CSMD1: variants seen among roughly 807,000 people sequenced by gnomAD.
The protein encoded by CSMD1 is CUB and Sushi multiple domains 1.
In CSMD1, 213 loss-of-function variants were observed where a neutral mutation model predicts 417.5. The ratio of observed to expected loss-of-function variants is 0.51; its 90% CI spans 0.46 to 0.57. The LOEUF is 0.57. Ranked by LOEUF, CSMD1 falls within the 20% of genes least tolerant of loss-of-function variation. CSMD1 has a pLI of 0.00. For missense variants in CSMD1, 6,923 were observed against 4,529.7 expected, an observed-to-expected ratio of 1.53 and a Z score of -15.17; for synonymous variants, 2,862 against 1,736.8, an observed-to-expected ratio of 1.65 and a Z score of -16.11.
intron 1 of CSMD1, among the ~76,000 whole-genome samples, chr8:4,965,674 C>A (rs1809812278): frequency 2.0e-5 from 3 of 152,106 alleles, no homozygotes. Context: ...TCTTAGTCTC[C>A]CATAAGGTTG....
At chr8:3,957,193 A>G (rs564360883) in intron 5 of CSMD1, among the ~76,000 whole-genome samples, 12 of 152,324 alleles carry the variant, frequency 7.9e-5, no homozygotes, top group African/African-American at 2.9e-4. Context: ...CTGCAGAACT[A>G]AAACATTTCT....
intron 25 of CSMD1, among the ~76,000 whole-genome samples, chr8:3,294,828 G>C (rs971207484): frequency 2.6e-5 from 4 of 152,074 alleles, no homozygotes; most frequent in Non-Finnish European, 4.4e-5. Flanking sequence ...TGCACCCATT[G>C]TCCTGCACCC....
intron 3 of CSMD1, among the ~76,000 whole-genome samples, chr8:4,108,194 G>A (rs1223457769): frequency 6.6e-6 from 1 of 152,028 alleles, no homozygotes; most frequent in Non-Finnish European, 1.5e-5. Flanking sequence ...GACTCTATGG[G>A]AAACAAATCA....
intron 1 of CSMD1, among the ~76,000 whole-genome samples, chr8:4,744,885 T>G (rs1810855565): frequency 6.6e-6 from 1 of 152,178 alleles, no homozygotes; most frequent in Non-Finnish European, 1.5e-5. Context: ...CTGAATTTTT[T>G]CACCATAATT....
Position 4,873,679 on chromosome 8 carries a change from G to A in CSMD1, c.85+120653C>T, listed in dbSNP as rs1802867670. Among the ~76,000 whole-genome samples the A allele has an allele frequency of 2.0e-5, 3 of 152,156 alleles. 1 individual carries two copies. The highest frequency in any genetic ancestry group is 2.0e-4 in the Admixed American group (3 of 15,284). ...TCTATCCATTCAGTAAACACTTATT[G>A]ATGATACAGTAGAGAACTAATCAAA... On this transcript the variant is annotated intron_variant, in intron 1 of 69. Coordinates refer to ENST00000635120, the MANE Select transcript of CSMD1 (RefSeq NM_033225.6).
Position 4,964,262 on chromosome 8 carries a change from C to T in CSMD1, c.85+30070G>A, listed in dbSNP as rs139579330. 1.6e-4 allele frequency among the ~76,000 whole-genome samples: 24 copies of T among 151,784 alleles called. No individual in the cohort carries two copies. In the East Asian group the frequency reaches 3.7e-3, roughly 23 times the overall value. Reference sequence around the variant, plus strand: ...GGTATGGTGGCTAACACCTGTAATCCCAGCAGTTTGGGAGGCAAAGGGGGG... The same window carrying T: ...GGTATGGTGGCTAACACCTGTAATCTCAGCAGTTTGGGAGGCAAAGGGGGG... On this transcript the variant is annotated intron_variant, in intron 1 of 69. Coordinates refer to ENST00000635120, the MANE Select transcript of CSMD1 (RefSeq NM_033225.6).
chr8:4,181,244 A>G (rs1798354372), intron 3 of CSMD1, among the ~76,000 whole-genome samples: 1 of 152,210 alleles, frequency 6.6e-6, no homozygotes, highest in Non-Finnish European at 1.5e-5. Flanking sequence ...ATCTATAGCC[A>G]TACCACCCTG....
intron 23 of CSMD1, among the ~76,000 whole-genome samples, chr8:3,335,655 G>A (rs886704229): frequency 2.0e-5 from 3 of 152,186 alleles, no homozygotes; most frequent in Non-Finnish European, 4.4e-5. Context: ...CAGCCTGGGT[G>A]ACAGAGTGAG....
chr8:3,925,793 G>C (rs759167241), intron 5 of CSMD1, among the ~76,000 whole-genome samples: 8 of 151,948 alleles, frequency 5.3e-5, no homozygotes, highest in Non-Finnish European at 1.0e-4. Flanking sequence ...TCCCAGTTTT[G>C]GGTATGTCTT....
chr8:4,129,233 C>T (rs1180824022), intron 3 of CSMD1, among the ~76,000 whole-genome samples: 1 of 152,244 alleles, frequency 6.6e-6, no homozygotes, highest in African/African-American at 2.4e-5. Flanking sequence ...CTATCAATTT[C>T]CTCTTCTGAG....
chr8:4,554,773 G>A (rs953784659), intron 2 of CSMD1, among the ~76,000 whole-genome samples: 1 of 152,202 alleles, frequency 6.6e-6, no homozygotes. Context: ...ATTGGCCAGG[G>A]AAACCCATGA....
At chr8:4,578,332 A>ATTTTTCT (rs1799238990) in intron 2 of CSMD1, among the ~76,000 whole-genome samples, 5 of 48,768 alleles carry the variant, frequency 1.0e-4, no homozygotes, top group African/African-American at 3.8e-4. Flanking sequence ...CACCCGGCTC[A>ATTTTTCT]TTTTTTTTTT....
At chr8:4,301,576 T>C (rs1797983463) in intron 3 of CSMD1, among the ~76,000 whole-genome samples, 1 of 152,230 alleles carries the variant, frequency 6.6e-6, no homozygotes, top group Non-Finnish European at 1.5e-5. Flanking sequence ...GTCTGCTCAA[T>C]TATTATTTTT....
intron 5 of CSMD1, among the ~76,000 whole-genome samples, chr8:3,964,175 G>A (rs1227600648): frequency 2.0e-5 from 3 of 152,150 alleles, no homozygotes; most frequent in South Asian, 4.1e-4. Flanking sequence ...ATCTTAACAA[G>A]TAAACATTAA....
At chr8:4,071,070 A>G (rs900355528) in intron 3 of CSMD1, among the ~76,000 whole-genome samples, 2 of 151,916 alleles carry the variant, frequency 1.3e-5, no homozygotes, top group African/African-American at 4.8e-5. Flanking sequence ...GTACATGGTT[A>G]TGGTTTCTTT....
In CSMD1 at chr8:3,519,576, G is replaced by A. The variant is rs573077750; in HGVS notation, c.1345-25850C>T. ...CGCCATGAGGACCAATGAGTACCTT[G>A]GTAGAGACTACCTTCAAATCAGAAA... On this transcript the variant is annotated intron_variant, in intron 10 of 69. Coordinates refer to ENST00000635120, the MANE Select transcript of CSMD1 (RefSeq NM_033225.6). Among the ~76,000 whole-genome samples the A allele has an allele frequency of 7.2e-5, 11 of 152,240 alleles. No individual in the cohort carries two copies. The South Asian group carries it at 1.9e-3, about 26-fold the overall frequency.
chr8:3,927,802 GT>G (rs1274009811), intron 5 of CSMD1, among the ~76,000 whole-genome samples: 8 of 152,076 alleles, frequency 5.3e-5, no homozygotes, highest in African/African-American at 1.7e-4. Flanking sequence ...AAATATTTTA[GT>G]TTTAAATTTA....
intron 2 of CSMD1, among the ~76,000 whole-genome samples, chr8:4,584,377 C>T (rs1224095540): frequency 2.0e-5 from 3 of 152,062 alleles, no homozygotes; most frequent in Non-Finnish European, 2.9e-5. Context: ...ACCCCTTTCG[C>T]TTGCTATTCT....
intron 25 of CSMD1, among the ~76,000 whole-genome samples, chr8:3,300,097 G>A (rs920091983): frequency 2.6e-5 from 4 of 152,036 alleles, no homozygotes; most frequent in Admixed American, 2.6e-4. Flanking sequence ...AATAAATTAA[G>A]GCACATTCAG....
Sources: allele counts gnomAD v4.1 joint callset (sites outside exome capture counted in the v4.1 genomes callset), GRCh38; gene constraint gnomAD v4.1.1; transcripts MANE v1.5; gene names NCBI Gene and HGNC (gene_info 2026-07-23, HGNC 2026-07-21).